The following RPA1 variants were observed in gnomAD, a reference collection of about 807,000 sequenced individuals.
RPA1 encodes the protein replication protein A 70 kDa DNA-binding subunit.
A neutral mutation model predicts 83.0 loss-of-function variants in RPA1; 49 were observed. The observed-to-expected ratio is 0.59, with a 90% confidence interval of 0.47 to 0.75. The LOEUF (loss-of-function observed/expected upper bound fraction) is 0.75. Ranked by LOEUF, RPA1 falls within the 30% of genes least tolerant of loss-of-function variation. The pLI, the probability that RPA1 is intolerant of heterozygous loss-of-function variation, is 0.00. For synonymous variants in RPA1, 279 were observed against 281.8 expected (o/e 0.99, Z 0.10); for missense variants, 693 against 776.1 (o/e 0.89, Z 1.27).
intron 5 of RPA1, among the ~76,000 whole-genome samples, chr17:1,865,514 GATA>G (rs1014287921): frequency 1.8e-4 from 27 of 152,210 alleles, no homozygotes; most frequent in African/African-American, 5.8e-4. Flanking sequence ...ATCTTGAATA[GATA>G]ATATGGTTAA....
chr17:1,881,343 A>G (rs1034805820), intron 12 of RPA1, among the ~76,000 whole-genome samples: 1 of 152,146 alleles, frequency 6.6e-6, no homozygotes, highest in African/African-American at 2.4e-5. Context: ...GCTGTAGTCT[A>G]TGGGGGGGAA....
At position 1,898,050 on chromosome 17, in the gene RPA1, C is replaced by T. The variant is rs1163275244; in HGVS notation, c.*875C>T. ...GTTTCCCTTGCTTTGTTTTAATAAA[C>T]AGTATATTCTTTGGTTGTGAATCCT... On this transcript the variant is annotated 3_prime_UTR_variant, in exon 17 of 17. Coordinates refer to ENST00000254719, the MANE Select transcript of RPA1 (RefSeq NM_002945.5). 1 of 152,106 alleles carries T rather than the reference C, an allele frequency of 6.6e-6. No homozygotes were observed. The highest frequency in any genetic ancestry group is 1.5e-5 in the Non-Finnish European group (1 of 68,024). The allele number at this position is 152,106 out of a possible 1,614,324, so 9.4% of individuals were successfully genotyped here. A position where few individuals can be genotyped will look rare whatever the true frequency, so the allele number is the denominator to read the frequency against.
intron 4 of RPA1, among the ~76,000 whole-genome samples, chr17:1,846,053 C>T (rs1912244027): frequency 6.6e-6 from 1 of 151,942 alleles, no homozygotes; most frequent in Non-Finnish European, 1.5e-5. Context: ...ACATTTTCTC[C>T]AGCTGTTCTT....
At chr17:1,849,937 C>T (rs369929457) in intron 4 of RPA1, among the ~76,000 whole-genome samples, 1 of 151,850 alleles carries the variant, frequency 6.6e-6, no homozygotes, top group Non-Finnish European at 1.5e-5. Context: ...TTTAGGAGGC[C>T]GAGGTGGGTG....
chr17:1,835,051 C>T (rs1324320270), intron 1 of RPA1, among the ~76,000 whole-genome samples: 1 of 152,080 alleles, frequency 6.6e-6, no homozygotes, highest in African/African-American at 2.4e-5. Context: ...GAGGTTTCGT[C>T]ATGTTGTCCA....
At position 1,848,297 on chromosome 17, in the gene RPA1, T is replaced by C. The variant is rs908576875; in HGVS notation, c.272+3611T>C. On this transcript the variant is annotated intron_variant, in intron 4 of 16. Transcript: ENST00000254719. The stretch of plus-strand genomic sequence containing the variant: ...TTTGCCATTAAGCTTGTCAACATAC[T>C]GTGTATTAGTCATATTTTAAAGAAT... Among the ~76,000 whole-genome samples the C allele has an allele frequency of 3.3e-4, 50 of 152,174 alleles. 1 individual carries two copies. The highest frequency in any genetic ancestry group is 1.2e-3 in the African/African-American group (49 of 41,548).
At position 1,877,262 on chromosome 17, in the gene RPA1, G is replaced by A. The variant is rs1362128921; in HGVS notation, c.638G>A (p.Ser213Asn). The A allele has an allele frequency of 2.5e-5, 41 of 1,614,204 alleles. No homozygotes were observed. Among genetic ancestry groups the A allele is most frequent in the Non-Finnish European group, 3.3e-5 (39 of 1,180,040 alleles). The change falls in exon 8 of 17, where the codon AGC becomes AAC. Residue 213 changes from serine to asparagine, a missense_variant. Ser to Asn is a conservative substitution (Grantham distance 46, BLOSUM62 1). Transcript: ENST00000254719. Reference sequence around the variant, plus strand: ...AACAAAAGTCAGATCCGTACCTGGAGCAACTCCCGAGGGGAAGGGAAGCTT... The same window carrying A: ...AACAAAAGTCAGATCCGTACCTGGAACAACTCCCGAGGGGAAGGGAAGCTT... ...VTNKSQIRTWSNSRGEGKLFS... is the reference protein window; with the variant it reads ...VTNKSQIRTWNNSRGEGKLFS...
rs893020062 is a variant in RPA1 at position 1,830,042 on chromosome 17, G to C, written c.-52G>C. 6.4e-6 allele frequency: 8 copies of C among 1,246,990 alleles called. No individual in the cohort carries two copies. The African/African-American group carries it at 1.2e-4, about 19-fold the overall frequency. The allele number at this position is 1,246,990 out of a possible 1,614,324, so 77.2% of individuals were successfully genotyped here. A position where few individuals can be genotyped will look rare whatever the true frequency, so the allele number is the denominator to read the frequency against. On this transcript the variant is annotated 5_prime_UTR_variant, in exon 1 of 17. Transcript: ENST00000254719. ...ACTGCGCAGCGCGCGGGACCCGGGTGGGGAAGCTGGAGCTGTTGCGGGGTC... is the reference window on the plus strand; with the variant it reads ...ACTGCGCAGCGCGCGGGACCCGGGTCGGGAAGCTGGAGCTGTTGCGGGGTC...
chr17:1,866,582 G>T (rs765013177), intron 5 of RPA1, among the ~76,000 whole-genome samples: 2 of 152,048 alleles, frequency 1.3e-5, no homozygotes, highest in Non-Finnish European at 2.9e-5. Flanking sequence ...CTCCCGAAGT[G>T]CTGGGATTAT....
chr17:1,855,363 G>GTT (rs59664179), intron 5 of RPA1, among the ~76,000 whole-genome samples: 15,165 of 119,962 alleles, frequency 0.13, 1,248 homozygotes, highest in African/African-American at 0.27. Flanking sequence ...GTGTGTGTGT[G>GTT]TGTTTAGTAG....
At chr17:1,843,879 G>A in intron 2 of RPA1, 41 bp from the exon 3 acceptor site, 16 of 1,568,156 alleles carry the variant, frequency 1.0e-5, no homozygotes, top group Non-Finnish European at 1.4e-5. Flanking sequence ...CCTGGGGACG[G>A]GGCAGACAAC....
intron 5 of RPA1, chr17:1,858,130 C>T (rs1331066139): frequency 1.7e-5 from 28 of 1,613,716 alleles, no homozygotes; most frequent in Non-Finnish European, 1.9e-5. Context: ...CAGGCCTTTT[C>T]CTAGGTTCCA....
intron 15 of RPA1, among the ~76,000 whole-genome samples, chr17:1,893,939 C>A (rs1447761751): frequency 6.6e-6 from 1 of 151,904 alleles, no homozygotes; most frequent in African/African-American, 2.4e-5. Flanking sequence ...TGGCTCACTG[C>A]AGCTTCAAAC....
intron 5 of RPA1, among the ~76,000 whole-genome samples, chr17:1,861,810 G>T (rs1285543884): frequency 6.6e-6 from 1 of 150,788 alleles, no homozygotes; most frequent in Non-Finnish European, 1.5e-5. Flanking sequence ...TGCAACCTCC[G>T]CCTCCTGGAC....
intron 6 of RPA1, among the ~76,000 whole-genome samples, chr17:1,874,012 A>AAAAAAAAAATATATATATAT (rs1555592994): frequency 1.1e-5 from 1 of 93,866 alleles, no homozygotes; most frequent in African/African-American, 5.1e-5. Flanking sequence ...AAAAAAAAAA[A>AAAAAAAAAATATATATATAT]ATATATATAT....
intron 5 of RPA1, among the ~76,000 whole-genome samples, chr17:1,856,226 C>G (rs957970518): frequency 6.6e-6 from 1 of 151,644 alleles, no homozygotes; most frequent in Non-Finnish European, 1.5e-5. Context: ...CTACCTGAGC[C>G]CGGGAGGTGG....
intron 4 of RPA1, among the ~76,000 whole-genome samples, chr17:1,851,274 C>T (rs1912485582): frequency 1.3e-5 from 2 of 151,536 alleles, no homozygotes; most frequent in African/African-American, 2.4e-5. Flanking sequence ...TGTGCGTGTG[C>T]GTGTGTGTGT....
At position 1,843,940 on chromosome 17, in the gene RPA1, G is replaced by T; in HGVS notation, c.105G>T (p.Thr35=). 6.2e-7 allele frequency: 1 copy of T among 1,613,832 alleles called. No homozygotes were observed. The part of the protein sequence containing the change: ...LQVINIRPIT[T]GNSPPRYRLL... Reference sequence around the variant, plus strand: ...CCTAGAACATCCGTCCCATTACTACGGGGAATAGTCCGCCGCGTTATCGAC... The same window carrying T: ...CCTAGAACATCCGTCCCATTACTACTGGGAATAGTCCGCCGCGTTATCGAC... The change falls in exon 3 of 17, where the codon ACG becomes ACT. Residue 35 remains threonine, a synonymous_variant. Coordinates refer to ENST00000254719, the MANE Select transcript of RPA1 (RefSeq NM_002945.5).
chr17:1,885,148 C>G (rs186088482), intron 13 of RPA1, among the ~76,000 whole-genome samples: 8 of 152,182 alleles, frequency 5.3e-5, no homozygotes, highest in Non-Finnish European at 1.0e-4. Context: ...CAAGCTTATG[C>G]AAATTCTAAA....
Sources: gnomAD v4.1 joint callset for allele counts (sites outside exome capture counted in the v4.1 genomes callset) on GRCh38, gnomAD v4.1.1 for gene constraint, MANE v1.5 for transcripts, NCBI Gene and HGNC (gene_info 2026-07-23, HGNC 2026-07-21) for gene names.